Variants in GAL3ST2 observed in about 807,000 individuals in gnomAD.
GAL3ST2 encodes the protein beta-galactose-3-O-sulfotransferase 2.
In GAL3ST2, 16 loss-of-function variants were observed where a neutral mutation model predicts 12.9. The ratio of observed to expected loss-of-function variants is 1.24; its 90% CI spans 0.84 to 1.88. The LOEUF (loss-of-function observed/expected upper bound fraction) is 1.88, where lower values mean the gene tolerates loss of function less well. GAL3ST2 is among the 40% of genes most tolerant of loss of function. The pLI, the probability that GAL3ST2 is intolerant of heterozygous loss-of-function variation, is 0.00. For missense variants in GAL3ST2, 639 were observed against 571.8 expected (o/e 1.12, Z -1.20); for synonymous variants, 302 against 273.9 (o/e 1.10, Z -1.01).
At position 241,802,866 on chromosome 2, in the gene GAL3ST2, C is replaced by CG. The variant is rs1699871679; in HGVS notation, c.376-477dup. Among the ~76,000 whole-genome samples the CG allele has an allele frequency of 6.6e-6, 1 of 152,108 alleles. No homozygotes were observed. The highest frequency in any genetic ancestry group is 2.1e-4 in the South Asian group (1 of 4,834). On this transcript the variant is annotated intron_variant, in intron 3 of 3. Transcript: ENST00000192314. The surrounding 1 kb of genome is among the most constrained non-coding windows in gnomAD (Gnocchi z 4.8). Reference sequence around the variant, plus strand: ...CCCACCCTGTGGGGAACCTGGGTCACGGACCTTCTCTGGGCCTCAGTTTCT... The same window carrying CG: ...CCCACCCTGTGGGGAACCTGGGTCACGGGACCTTCTCTGGGCCTCAGTTTCT...
chr2:241,801,500 T>C lies in GAL3ST2; in HGVS notation c.120-281T>C, dbSNP rs1238080974. 10 of 452,206 alleles carry C rather than the reference T, an allele frequency of 2.2e-5. No homozygotes were observed. The highest frequency in any genetic ancestry group is 3.6e-5 in the Non-Finnish European group (9 of 250,622). The allele number at this position is 452,206 out of a possible 1,614,324, so 28.0% of individuals were successfully genotyped here. On this transcript the variant is annotated intron_variant, in intron 2 of 3. Coordinates refer to ENST00000192314, the MANE Select transcript of GAL3ST2 (RefSeq NM_022134.3). The surrounding 1 kb of genome is among the most constrained non-coding windows in gnomAD (Gnocchi z 4.4). ...GTCCCCTTGGCCAAGATGGGGTTCA[T>C]TTAGGGTTTTATTTTTAGTTCTCGG...
intron 1 of GAL3ST2, among the ~76,000 whole-genome samples, chr2:241,797,354 C>T (rs183338132): frequency 3.3e-4 from 50 of 152,306 alleles, no homozygotes; most frequent in African/African-American, 1.2e-3. Context: ...TGTTCGTTAT[C>T]GTGACTGTTT....
chr2:241,795,787 C>T lies in GAL3ST2; in HGVS notation c.30-3278C>T, dbSNP rs1217783606. On this transcript the variant is annotated intron_variant, in intron 1 of 3. Transcript: ENST00000192314. The surrounding 1 kb of genome is among the most constrained non-coding windows in gnomAD (Gnocchi z 4.5). ...GGTGTCTCCAGCGGGACCCTGATCC[C>T]GCGTGGGGCGCATGGCCCTCTCTGC... 6.6e-6 allele frequency among the ~76,000 whole-genome samples: 1 copy of T among 152,262 alleles called. No individual in the cohort carries two copies.
chr2:241,788,432 T>C (rs1699653307), intron 1 of GAL3ST2, among the ~76,000 whole-genome samples: 1 of 152,190 alleles, frequency 6.6e-6, no homozygotes, highest in Admixed American at 6.5e-5. Context: ...TTAAGGATCC[T>C]AATTCTAGTT....
Position 241,804,168 on chromosome 2 carries a change from G to A in GAL3ST2, c.*2G>A. On this transcript the variant is annotated 3_prime_UTR_variant, in exon 4 of 4. Coordinates refer to ENST00000192314, the MANE Select transcript of GAL3ST2 (RefSeq NM_022134.3). Reference sequence around the variant, plus strand: ...AACATCCCGTTCCTGGGGGCGTAGAGGGGCCGGGCCGGGGACGAGGCCTCC... The same window carrying A: ...AACATCCCGTTCCTGGGGGCGTAGAAGGGCCGGGCCGGGGACGAGGCCTCC... The A allele has an allele frequency of 1.4e-6, 2 of 1,428,596 alleles. No individual in the cohort carries two copies. Among genetic ancestry groups the A allele is most frequent in the Admixed American group, 2.8e-5 (1 of 35,586 alleles). 88.5% of individuals were successfully genotyped at this position (1,428,596 alleles called of 1,614,324 possible).
chr2:241,781,591 A>G (rs1402636780), intron 1 of GAL3ST2, among the ~76,000 whole-genome samples: 4 of 140,298 alleles, frequency 2.9e-5, no homozygotes, highest in African/African-American at 8.5e-5. Context: ...AGAATTATAA[A>G]TATTATTGAT....
chr2:241,799,131 C>T lies in GAL3ST2; in HGVS notation c.96C>T (p.His32=). The change falls in exon 2 of 4, where the codon CAC becomes CAT. Residue 32 remains histidine, a synonymous_variant. Transcript: ENST00000192314. ...LTLLLLAGFL[H]SDLELDTPLF... is the part of the protein sequence containing the mutation. ...TGCTCCTGCTGGCCGGATTCCTGCA[C>T]TCGGACTTAGAGCTGGACACACCGT... 1 of 1,613,814 alleles carries T rather than the reference C, an allele frequency of 6.2e-7. No individual in the cohort carries two copies. Among genetic ancestry groups the T allele is most frequent in the Non-Finnish European group, 8.5e-7 (1 of 1,180,010 alleles).
chr2:241,804,232 GC>G lies in GAL3ST2; in HGVS notation c.*68del. On this transcript the variant is annotated 3_prime_UTR_variant, in exon 4 of 4. Coordinates refer to ENST00000192314, the MANE Select transcript of GAL3ST2 (RefSeq NM_022134.3). ...TCCTCTCTCCGCCGTCACCGGGGAG[GC>G]CGGGGATCCTTGCAGGGCTTCTGGG... The G allele has an allele frequency of 7.6e-7, 1 of 1,312,248 alleles. No individual in the cohort carries two copies. Among genetic ancestry groups the G allele is most frequent in the Non-Finnish European group, 9.9e-7 (1 of 1,006,054 alleles). 81.3% of individuals were successfully genotyped at this position (1,312,248 alleles called of 1,614,324 possible). A position where few individuals can be genotyped will look rare whatever the true frequency, so the allele number is the denominator to read the frequency against.
At chr2:241,779,236 TTTTTTTTTTTTTTTTG>T (rs1177843757) in intron 1 of GAL3ST2, among the ~76,000 whole-genome samples, 3 of 106,772 alleles carry the variant, frequency 2.8e-5, no homozygotes, top group African/African-American at 1.1e-4. Flanking sequence ...TTTTTTTTTT[TTTTTTTTTTTTTTTTG>T]AGACGGAGTC....
intron 1 of GAL3ST2, among the ~76,000 whole-genome samples, chr2:241,783,848 TA>T (rs2125190016): frequency 6.6e-6 from 1 of 152,318 alleles, no homozygotes; most frequent in East Asian, 1.9e-4. Flanking sequence ...GAGGCTGAAC[TA>T]ACTTTGGGAG....
rs200606493 is a variant in GAL3ST2, at chr2:241,803,592, G to C, written c.623G>C (p.Gly208Ala). 6.1e-5 allele frequency: 96 copies of C among 1,578,316 alleles called. No individual in the cohort carries two copies. Among genetic ancestry groups the C allele is most frequent in the Non-Finnish European group, 7.1e-5 (83 of 1,161,288 alleles). Residue 208 changes from glycine (G) to alanine (A), a missense_variant, in exon 4 of 4, where the codon GGC becomes GCC. Transcript: ENST00000192314. Reference sequence around the variant, plus strand: ...GACCCCAACGCGCAGTGCGAGGAGGGCTACGTGCGCGCGCGCATCGCCGAG... The same window carrying C: ...GACCCCAACGCGCAGTGCGAGGAGGCCTACGTGCGCGCGCGCATCGCCGAG... ...GFDPNAQCEE[G>A]YVRARIAEVE...
Position 241,803,840 on chromosome 2 carries a change from TG to T in GAL3ST2, c.874del (p.Ala292ArgfsTer79). 6.8e-7 allele frequency: 1 copy of T among 1,470,158 alleles called. No homozygotes were observed. Among genetic ancestry groups the T allele is most frequent in the Admixed American group, 2.8e-5 (1 of 36,050 alleles). 91.1% of individuals were successfully genotyped at this position (1,470,158 alleles called of 1,614,324 possible). The stretch of plus-strand genomic sequence containing the variant: ...GTACGAGCATTTCAACCGCACCCTC[TG>T]GGCGCAGCTGCGCGCCGAGCTGGGG... ...RLYEHFNRTL[W>X]AQLRAELGPR... On this transcript the variant is annotated frameshift_variant, in exon 4 of 4. Coordinates refer to ENST00000192314, the MANE Select transcript of GAL3ST2 (RefSeq NM_022134.3). LOFTEE classifies it low-confidence loss of function (END_TRUNC).
rs758214803 is a variant in GAL3ST2 at position 241,793,547 on chromosome 2, ATATG to A, written c.30-5508_30-5505del. Among the ~76,000 whole-genome samples, 52 of 151,122 alleles carry A rather than the reference ATATG, an allele frequency of 3.4e-4. No individual in the cohort carries two copies. Among genetic ancestry groups the A allele is most frequent in the Non-Finnish European group, 5.7e-4 (39 of 67,846 alleles). On this transcript the variant is annotated intron_variant, in intron 1 of 3. Coordinates refer to ENST00000192314, the MANE Select transcript of GAL3ST2 (RefSeq NM_022134.3). The surrounding 1 kb of genome is among the most constrained non-coding windows in gnomAD (Gnocchi z 4.7). ...GTATTGTGTTTATATGTATGTGTGT[ATATG>A]TATGTATGTGTATATGTGTGCGTAT...
chr2:241,803,306 G>T, intron 3 of GAL3ST2, 39 bp from the exon 4 acceptor site: 1 of 1,520,902 alleles, frequency 6.6e-7, no homozygotes, highest in Non-Finnish European at 8.9e-7. Context: ...CCCTGGCCTG[G>T]GCCCGCGGTC....
At chr2:241,777,327 T>G (rs1699500695) in intron 1 of GAL3ST2, among the ~76,000 whole-genome samples, 1 of 152,096 alleles carries the variant, frequency 6.6e-6, no homozygotes, top group Non-Finnish European at 1.5e-5. Flanking sequence ...CCAGCCTCGG[T>G]CTGCGGCTCA....
intron 1 of GAL3ST2, among the ~76,000 whole-genome samples, chr2:241,798,451 T>C (rs1187180528): frequency 1.3e-5 from 2 of 152,052 alleles, no homozygotes; most frequent in African/African-American, 2.4e-5. Context: ...TGTGCCCCTA[T>C]ATGGGGAGCG....
At chr2:241,799,271 G>C in intron 2 of GAL3ST2, 117 bp downstream of exon 2, 4 of 924,730 alleles carry the variant, frequency 4.3e-6, no homozygotes, top group Non-Finnish European at 6.9e-6. Context: ...CTCTGGAAGA[G>C]GAGGGGTGGA....
In GAL3ST2 at chr2:241,803,761, G is replaced by C; in HGVS notation, c.792G>C (p.Leu264=). The change falls in exon 4 of 4, where the codon CTG becomes CTC. Residue 264 remains leucine, a synonymous_variant. Coordinates refer to ENST00000192314, the MANE Select transcript of GAL3ST2 (RefSeq NM_022134.3). The stretch of plus-strand genomic sequence containing the variant: ...GCAGCGCGCGCTCCGTGGCCCGCCT[G>C]TCGCCCGAGACCCGGGAGCGCGCGC... ...NSRSARSVAR[L]SPETRERARS... is the part of the protein sequence containing the mutation. 6.6e-7 allele frequency: 1 copy of C among 1,517,600 alleles called. No homozygotes were observed. The allele number at this position is 1,517,600 out of a possible 1,614,324, so 94.0% of individuals were successfully genotyped here.
In GAL3ST2 at chr2:241,804,233, C is replaced by T; in HGVS notation, c.*67C>T. 1 of 1,307,596 alleles carries T rather than the reference C, an allele frequency of 7.6e-7. No homozygotes were observed. Among genetic ancestry groups the T allele is most frequent in the Non-Finnish European group, 1.0e-6 (1 of 1,002,080 alleles). 81.0% of individuals were successfully genotyped at this position (1,307,596 alleles called of 1,614,324 possible). A position where few individuals can be genotyped will look rare whatever the true frequency, so the allele number is the denominator to read the frequency against. The stretch of plus-strand genomic sequence containing the variant: ...CCTCTCTCCGCCGTCACCGGGGAGG[C>T]CGGGGATCCTTGCAGGGCTTCTGGG... On this transcript the variant is annotated 3_prime_UTR_variant, in exon 4 of 4. Transcript: ENST00000192314.
Sources: gnomAD v4.1 joint callset for allele counts (sites outside exome capture counted in the v4.1 genomes callset) on GRCh38, gnomAD v4.1.1 for gene constraint, Gnocchi (gnomAD v3.1) non-coding constraint, MANE v1.5 for transcripts, NCBI Gene and HGNC (gene_info 2026-07-23, HGNC 2026-07-21) for gene names.